Variants in RABGAP1L observed in about 807,000 individuals in gnomAD.
RABGAP1L encodes rab GTPase-activating protein 1-like.
RABGAP1L carries 63 observed loss-of-function variants against 137.7 expected under a neutral mutation model. The ratio of observed to expected loss-of-function variants is 0.46; its 90% CI spans 0.37 to 0.56. RABGAP1L has a LOEUF of 0.56. Among genes scored for constraint, RABGAP1L ranks in the 20% least tolerant of loss-of-function variants. The probability of loss-of-function intolerance (pLI) is 0.00; values close to 1 mark genes in which losing one functional copy is unlikely to be tolerated. For missense variants in RABGAP1L, 1,095 were observed against 1,244.0 expected (o/e 0.88, Z 1.80); for synonymous variants, 431 against 433.7 (o/e 0.99, Z 0.08).
intron 4 of RABGAP1L, among the ~76,000 whole-genome samples, chr1:174,240,142 G>T (rs1671671209): frequency 1.3e-5 from 2 of 152,200 alleles, no homozygotes; most frequent in African/African-American, 4.8e-5. Flanking sequence ...TCCTGGGGTT[G>T]TCCCCTTACC....
chr1:174,359,491 C>A (rs1374699597), intron 11 of RABGAP1L, among the ~76,000 whole-genome samples: 2 of 152,142 alleles, frequency 1.3e-5, no homozygotes. Context: ...AATTTTACCC[C>A]TTGAAGTCTC....
intron 11 of RABGAP1L, among the ~76,000 whole-genome samples, chr1:174,322,042 C>A (rs1040284419): frequency 6.6e-6 from 1 of 151,948 alleles, no homozygotes; most frequent in African/African-American, 2.4e-5. Flanking sequence ...AATTTGTTTT[C>A]ATTTTCTGAA....
At chr1:174,866,113 GAGA>G (rs1558165826) in intron 19 of RABGAP1L, among the ~76,000 whole-genome samples, 16 of 6,346 alleles carry the variant, frequency 2.5e-3, no homozygotes, top group African/African-American at 4.2e-3. Flanking sequence ...GGGAGGGGGA[GAGA>G]GAGAGAGAGA....
intron 17 of RABGAP1L, among the ~76,000 whole-genome samples, chr1:174,740,234 A>G (rs1488848606): frequency 6.7e-6 from 1 of 150,346 alleles, no homozygotes; most frequent in Non-Finnish European, 1.5e-5. Context: ...TCTCTTGTGT[A>G]CTCTTTTTCA....
intron 19 of RABGAP1L, among the ~76,000 whole-genome samples, chr1:174,849,324 A>T (rs933026015): frequency 6.6e-6 from 1 of 152,210 alleles, no homozygotes; most frequent in East Asian, 1.9e-4. Flanking sequence ...CCTAAACTGG[A>T]CAGTAAAACT....
chr1:174,599,676 T>C (rs1483163092), intron 13 of RABGAP1L, among the ~76,000 whole-genome samples: 1 of 152,226 alleles, frequency 6.6e-6, no homozygotes. Context: ...GGGTTTCCAC[T>C]GAGAAGTCTG....
intron 13 of RABGAP1L, among the ~76,000 whole-genome samples, chr1:174,623,300 A>G (rs906360197): frequency 7.2e-5 from 11 of 152,292 alleles, no homozygotes; most frequent in Non-Finnish European, 1.2e-4. Context: ...TTGATGGCCA[A>G]TTTGTGGAGT....
chr1:174,186,033 C>T (rs569539938), intron 1 of RABGAP1L, among the ~76,000 whole-genome samples: 28 of 151,652 alleles, frequency 1.8e-4, no homozygotes, highest in Admixed American at 2.0e-4. Context: ...TTCCCAGCTA[C>T]TTGGGAAGGG....
At chr1:174,355,881 G>C (rs1683589914) in intron 11 of RABGAP1L, among the ~76,000 whole-genome samples, 1 of 152,118 alleles carries the variant, frequency 6.6e-6, no homozygotes, top group Non-Finnish European at 1.5e-5. Flanking sequence ...TCTTCTCTCT[G>C]TAATAAATCA....
chr1:174,517,198 A>G (rs1662945153), intron 13 of RABGAP1L, among the ~76,000 whole-genome samples: 1 of 152,122 alleles, frequency 6.6e-6, no homozygotes, highest in African/African-American at 2.4e-5. Context: ...ATGCAATGTA[A>G]CTTAACCATA....
At chr1:174,634,285 G>T (rs1472133510) in intron 13 of RABGAP1L, among the ~76,000 whole-genome samples, 1 of 122,884 alleles carries the variant, frequency 8.1e-6, no homozygotes, top group Non-Finnish European at 1.6e-5. Context: ...ATGAAAAAAT[G>T]CTCATCATCA....
At chr1:174,307,432 T>C (rs1430677260) in intron 11 of RABGAP1L, among the ~76,000 whole-genome samples, 1 of 152,128 alleles carries the variant, frequency 6.6e-6, no homozygotes, top group African/African-American at 2.4e-5. Context: ...AGAGGAAATA[T>C]TATACCTATT....
intron 19 of RABGAP1L, among the ~76,000 whole-genome samples, chr1:174,895,690 G>T (rs1186860897): frequency 6.6e-6 from 1 of 152,032 alleles, no homozygotes. Context: ...AGAACATGCG[G>T]TGTTTGGTTT....
At chr1:174,652,206 CT>C (rs1675572256) in intron 14 of RABGAP1L, among the ~76,000 whole-genome samples, 3 of 152,334 alleles carry the variant, frequency 2.0e-5, no homozygotes, top group Non-Finnish European at 1.5e-5. Flanking sequence ...GAGAGATCCA[CT>C]GTTAGTCTGT....
chr1:174,939,330 C>A (rs1056245617), intron 19 of RABGAP1L, among the ~76,000 whole-genome samples: 2 of 151,958 alleles, frequency 1.3e-5, no homozygotes, highest in Non-Finnish European at 2.9e-5. Context: ...CTGAGGCAGG[C>A]AAATCACTTC....
rs1682544077 is a variant in RABGAP1L, at chr1:174,732,213, A to AG, written c.2170-20100_2170-20099insG. ...ACCCCATCCCCCCCAAAAAAAAAAA[A>AG]CATGGATTGTTAGACTTGAAAGTAA... On this transcript the variant is annotated intron_variant, in intron 17 of 25. Coordinates refer to ENST00000681986, the MANE Select transcript of RABGAP1L (RefSeq NM_001366446.1). 4.6e-5 allele frequency among the ~76,000 whole-genome samples: 7 copies of AG among 151,512 alleles called. No individual in the cohort carries two copies. The South Asian group carries it at 1.3e-3, about 27-fold the overall frequency.
At chr1:174,814,304 T>C (rs978608643) in intron 19 of RABGAP1L, among the ~76,000 whole-genome samples, 2 of 152,188 alleles carry the variant, frequency 1.3e-5, no homozygotes, top group Admixed American at 6.5e-5. Context: ...TTTTTAATAA[T>C]TTAATAATTT....
chr1:174,444,666 T>G (rs1401412594), intron 13 of RABGAP1L, among the ~76,000 whole-genome samples: 1 of 152,124 alleles, frequency 6.6e-6, no homozygotes, highest in African/African-American at 2.4e-5. Flanking sequence ...TGGTTCAATC[T>G]TGGTAGATTG....
chr1:174,611,095 A>G (rs1197026373), intron 13 of RABGAP1L, among the ~76,000 whole-genome samples: 1 of 149,116 alleles, frequency 6.7e-6, no homozygotes, highest in Non-Finnish European at 1.5e-5. Context: ...TTTTGTTGCC[A>G]TTACTTTTTG....
Sources: gnomAD v4.1 joint callset for allele counts (sites outside exome capture counted in the v4.1 genomes callset) on GRCh38, gnomAD v4.1.1 for gene constraint, MANE v1.5 for transcripts, NCBI Gene and HGNC (gene_info 2026-07-23, HGNC 2026-07-21) for gene names.